The following OGFOD3 variants were observed in gnomAD, a reference collection of about 807,000 sequenced individuals.
OGFOD3 encodes the protein 2-oxoglutarate and iron-dependent oxygenase domain-containing protein 3.
A neutral mutation model predicts 39.8 loss-of-function variants in OGFOD3; 35 were observed. That is an observed-to-expected ratio of 0.88 (90% CI 0.67 to 1.17). The LOEUF (loss-of-function observed/expected upper bound fraction) is 1.17. Ranked by LOEUF, OGFOD3 falls within the 50% of genes most tolerant of loss-of-function variation. OGFOD3 has a pLI of 0.00. For missense variants in OGFOD3, 438 were observed against 454.5 expected (o/e 0.96, Z 0.33); for synonymous variants, 200 against 192.0 (o/e 1.04, Z -0.34).
chr17:82,410,192 C>T (rs1229563173), intron 3 of OGFOD3, among the ~76,000 whole-genome samples: 1 of 152,214 alleles, frequency 6.6e-6, no homozygotes, highest in African/African-American at 2.4e-5. Flanking sequence ...TGCCTGTGGA[C>T]ACCAAGTGGG....
At chr17:82,399,013 G>T (rs1437730874) in intron 7 of OGFOD3, among the ~76,000 whole-genome samples, 1 of 126,850 alleles carries the variant, frequency 7.9e-6, no homozygotes, top group African/African-American at 3.0e-5. Context: ...GCGGGGTGGT[G>T]GGGGCAGGGG....
intron 3 of OGFOD3, among the ~76,000 whole-genome samples, chr17:82,410,642 C>T (rs2052926472): frequency 6.6e-6 from 1 of 151,388 alleles, no homozygotes; most frequent in Non-Finnish European, 1.5e-5. Flanking sequence ...GCTACTGCTT[C>T]GCTGAGGGCC....
chr17:82,412,396 TTATCGGGGCAGGGGCATGG>T (rs1567874743), intron 2 of OGFOD3, among the ~76,000 whole-genome samples: 19 of 100,680 alleles, frequency 1.9e-4, no homozygotes, highest in African/African-American at 7.6e-4. Flanking sequence ...AGGGGCATGG[TTATCGGGGCAGGGGCATGG>T]TTATCGGGGC....
chr17:82,398,309 C>T lies in OGFOD3; in HGVS notation c.710G>A (p.Gly237Asp). The stretch of plus-strand genomic sequence containing the variant: ...CAGCAGCGAGGTGTAGTCGAAGGAG[C>T]CGTAGGTCACCTGAGGGCAGAGCCG... ...WHAHVDKVTY[G>D]SFDYTSLLYL... The change falls in exon 8 of 9, where the codon GGC becomes GAC. Residue 237 changes from glycine to aspartate, a missense_variant. Coordinates refer to ENST00000313056, the MANE Select transcript of OGFOD3 (RefSeq NM_024648.3). 5 of 1,613,968 alleles carry T rather than the reference C, an allele frequency of 3.1e-6. No homozygotes were observed. Among genetic ancestry groups the T allele is most frequent in the Non-Finnish European group, 4.2e-6 (5 of 1,179,942 alleles).
intron 8 of OGFOD3, chr17:82,393,134 A>T (rs2052619059): frequency 6.6e-6 from 1 of 152,526 alleles, no homozygotes; most frequent in Non-Finnish European, 1.5e-5. Flanking sequence ...ACGCCAGTTC[A>T]TTTGTCTTCA....
chr17:82,407,738 A>G (rs2052877656), intron 4 of OGFOD3, among the ~76,000 whole-genome samples: 1 of 152,230 alleles, frequency 6.6e-6, no homozygotes, highest in Non-Finnish European at 1.5e-5. Flanking sequence ...AGCCAGCTCC[A>G]TGCAGGACAA....
chr17:82,416,303 G>C (rs2053033035), intron 1 of OGFOD3, among the ~76,000 whole-genome samples: 1 of 152,202 alleles, frequency 6.6e-6, no homozygotes, highest in Non-Finnish European at 1.5e-5. Flanking sequence ...AACAAAATAA[G>C]GATGTTTAAA....
At chr17:82,398,421 A>G (rs2052713126) in intron 7 of OGFOD3, 102 bp from the exon 8 acceptor site, 6 of 1,419,786 alleles carry the variant, frequency 4.2e-6, no homozygotes, top group Admixed American at 2.1e-5. Flanking sequence ...ATTTTTTGAG[A>G]CAGAGTCTTG....
intron 7 of OGFOD3, among the ~76,000 whole-genome samples, chr17:82,402,780 G>A (rs371263743): frequency 5.7e-4 from 86 of 151,266 alleles, no homozygotes; most frequent in African/African-American, 2.0e-3. Context: ...AAATGGGATG[G>A]GTAATGGCTC....
chr17:82,395,654 T>C (rs2052660636), intron 8 of OGFOD3, among the ~76,000 whole-genome samples: 2 of 152,172 alleles, frequency 1.3e-5, no homozygotes, highest in African/African-American at 2.4e-5. Flanking sequence ...ACCCCGTCTC[T>C]ACTAAAAATA....
At position 82,407,730 on chromosome 17, in the gene OGFOD3, C is replaced by G. The variant is rs556525634; in HGVS notation, c.424-1248G>C. Among the ~76,000 whole-genome samples the G allele has an allele frequency of 5.3e-5, 8 of 152,334 alleles. No individual in the cohort carries two copies. In the South Asian group the frequency reaches 1.7e-3, roughly 32 times the overall value. The stretch of plus-strand genomic sequence containing the variant: ...AACTGAACCCAAAGCAGCGGCCCAG[C>G]CAGCTCCATGCAGGACAACTTCCCA... On this transcript the variant is annotated intron_variant, in intron 4 of 8. Coordinates refer to ENST00000313056, the MANE Select transcript of OGFOD3 (RefSeq NM_024648.3).
chr17:82,408,454 C>A (rs2052890603), intron 4 of OGFOD3, among the ~76,000 whole-genome samples: 1 of 152,218 alleles, frequency 6.6e-6, no homozygotes, highest in African/African-American at 2.4e-5. Flanking sequence ...CAGCCACTGC[C>A]CAACAGGAGG....
At position 82,404,726 on chromosome 17, in the gene OGFOD3, TTTTTC is replaced by T. The variant is rs911956695; in HGVS notation, c.545+593_545+597del. ...TCAACCTGGGCTCCTCCAGCAGAAT[TTTTTC>T]TTTTCTTTTCTTTTTTTTTTTTTTT... On this transcript the variant is annotated intron_variant, in intron 6 of 8. Coordinates refer to ENST00000313056, the MANE Select transcript of OGFOD3 (RefSeq NM_024648.3). This position sits in a 1 kb window ranked among gnomAD's most constrained non-coding sequence, Gnocchi z 4.5. Among the ~76,000 whole-genome samples, 6 of 151,400 alleles carry T rather than the reference TTTTTC, an allele frequency of 4.0e-5. No individual in the cohort carries two copies. Among genetic ancestry groups the T allele is most frequent in the South Asian group, 2.1e-4 (1 of 4,810 alleles).
Position 82,390,579 on chromosome 17 carries a change from G to A in OGFOD3, c.*1819C>T. On this transcript the variant is annotated 3_prime_UTR_variant, in exon 9 of 9. Transcript: ENST00000313056. This position sits in a 1 kb window ranked among gnomAD's most constrained non-coding sequence, Gnocchi z 4.9. ...TTCCTGCCCCATCTGCCCAGAGCCTGCAGCCCTGACCAAGGAGGGTTCCCC... is the reference window on the plus strand; with the variant it reads ...TTCCTGCCCCATCTGCCCAGAGCCTACAGCCCTGACCAAGGAGGGTTCCCC... 1 of 162,046 alleles carries A rather than the reference G, an allele frequency of 6.2e-6. No individual in the cohort carries two copies. Among genetic ancestry groups the A allele is most frequent in the Non-Finnish European group, 1.4e-5 (1 of 73,816 alleles). The allele number at this position is 162,046 out of a possible 1,614,324, so 10.0% of individuals were successfully genotyped here.
chr17:82,412,615 T>A (rs2052968854), intron 2 of OGFOD3, among the ~76,000 whole-genome samples: 5 of 119,888 alleles, frequency 4.2e-5, no homozygotes, highest in Admixed American at 8.1e-5. Context: ...TTAGGGTGTT[T>A]GGGGCAGGGT....
chr17:82,392,573 C>T lies in OGFOD3; in HGVS notation c.824-39G>A. 6.4e-7 allele frequency: 1 copy of T among 1,555,084 alleles called. No individual in the cohort carries two copies. Among genetic ancestry groups the T allele is most frequent in the Non-Finnish European group, 8.7e-7 (1 of 1,149,372 alleles). ...AGAGAGAGAGGTGGCCATAGAGCCA[C>T]ACCCACGGCCACAGCCTTCAGAGGG... On this transcript the variant is annotated intron_variant, in intron 8 of 8. Transcript: ENST00000313056. This position sits in a 1 kb window ranked among gnomAD's most constrained non-coding sequence, Gnocchi z 4.2.
intron 7 of OGFOD3, 33 bp downstream of exon 7, chr17:82,403,904 G>T: frequency 6.4e-7 from 1 of 1,573,646 alleles, no homozygotes. Context: ...CCTTGTCCAC[G>T]GGCACGCTCA....
chr17:82,415,587 A>G lies in OGFOD3; in HGVS notation c.115T>C (p.Trp39Arg). 6.2e-7 allele frequency: 1 copy of G among 1,613,414 alleles called. No individual in the cohort carries two copies. Among genetic ancestry groups the G allele is most frequent in the Non-Finnish European group, 8.5e-7 (1 of 1,179,898 alleles). Residue 39 changes from tryptophan to arginine, a missense_variant, in exon 2 of 9, where the codon TGG becomes CGG. Transcript: ENST00000313056. The surrounding 1 kb of genome is among the most constrained non-coding windows in gnomAD (Gnocchi z 5.3). The part of the protein sequence containing the change: ...DRAPREVQRL[W>R]QRPWLRTAGL... ...GCGGTCCTTAGCCACGGCCTCTGCC[A>G]CAGCCTCTGCACCTCCCGCGGGGCT...
At chr17:82,399,630 C>T (rs988123512) in intron 7 of OGFOD3, among the ~76,000 whole-genome samples, 2 of 152,202 alleles carry the variant, frequency 1.3e-5, no homozygotes, top group Non-Finnish European at 2.9e-5. Flanking sequence ...CTCCCCACGC[C>T]CCCCAGTCCT....
Sources: allele counts gnomAD v4.1 joint callset (sites outside exome capture counted in the v4.1 genomes callset), GRCh38; gene constraint gnomAD v4.1.1; non-coding constraint Gnocchi (gnomAD v3.1); transcripts MANE v1.5; gene names NCBI Gene and HGNC (gene_info 2026-07-23, HGNC 2026-07-21).